MGAT5: variants seen among roughly 807,000 people sequenced by gnomAD.
MGAT5 encodes alpha-1,6-mannosylglycoprotein 6-beta-N-acetylglucosaminyltransferase A.
In MGAT5, 30 loss-of-function variants were observed where a neutral mutation model predicts 94.3. The ratio of observed to expected loss-of-function variants is 0.32; its 90% CI spans 0.24 to 0.43. MGAT5 has a LOEUF of 0.43. MGAT5 is among the 20% of genes least tolerant of loss of function. The pLI is 1.00. For synonymous variants in MGAT5, 310 were observed against 322.9 expected (o/e 0.96, Z 0.43); for missense variants, 691 against 905.5 (o/e 0.76, Z 3.04).
intron 9 of MGAT5, among the ~76,000 whole-genome samples, chr2:134,361,901 C>T (rs538193235): frequency 2.2e-4 from 34 of 152,166 alleles, no homozygotes; most frequent in Admixed American, 3.3e-4. Context: ...CAGCCCTGCC[C>T]CCTACAGATT....
At chr2:134,235,750 G>C (rs1681608618) in intron 1 of MGAT5, among the ~76,000 whole-genome samples, 2 of 150,118 alleles carry the variant, frequency 1.3e-5, no homozygotes, top group Non-Finnish European at 3.0e-5. Context: ...TGCATGGAGT[G>C]ATTATAGAAG....
chr2:134,434,946 A>G (rs1160198338), intron 14 of MGAT5, among the ~76,000 whole-genome samples: 1 of 152,188 alleles, frequency 6.6e-6, no homozygotes, highest in Non-Finnish European at 1.5e-5. Context: ...TCATTAGTAA[A>G]GTACTGAATG....
chr2:134,172,852 G>T (rs1006647683), intron 1 of MGAT5, among the ~76,000 whole-genome samples: 1 of 152,228 alleles, frequency 6.6e-6, no homozygotes, highest in African/African-American at 2.4e-5. Context: ...GGGGTCAACA[G>T]AATGAAACAT....
chr2:134,252,592 C>G (rs1286094440), upstream of MGAT5, among the ~76,000 whole-genome samples: 1 of 152,180 alleles, frequency 6.6e-6, no homozygotes, highest in Non-Finnish European at 1.5e-5. Flanking sequence ...CCTGAGAATT[C>G]ACATTTCTCA....
chr2:134,304,466 C>T lies in MGAT5; in HGVS notation c.407-13063C>T, dbSNP rs1015847818. On this transcript the variant is annotated intron_variant, in intron 2 of 15. Coordinates refer to ENST00000281923, the MANE Select transcript of MGAT5 (RefSeq NM_002410.5). ...TCTGGGAACAGACTACTTGCTGAAA[C>T]GAACAAATTCCCAGGCAGTTGAAAA... 3.9e-5 allele frequency among the ~76,000 whole-genome samples: 6 copies of T among 152,270 alleles called. No individual in the cohort carries two copies. In the South Asian group the frequency reaches 6.2e-4, roughly 16 times the overall value.
chr2:134,341,304 C>T (rs1039854393), intron 6 of MGAT5, among the ~76,000 whole-genome samples: 2 of 152,118 alleles, frequency 1.3e-5, no homozygotes, highest in African/African-American at 4.8e-5. Flanking sequence ...TCTTACCTTC[C>T]TTTAATCCCG....
At chr2:134,296,255 A>G (rs1474252950) in intron 2 of MGAT5, among the ~76,000 whole-genome samples, 1 of 152,166 alleles carries the variant, frequency 6.6e-6, no homozygotes, top group Non-Finnish European at 1.5e-5. Flanking sequence ...ACACAATTTT[A>G]AAAGTTATTA....
intron 2 of MGAT5, among the ~76,000 whole-genome samples, chr2:134,275,339 G>A (rs545150374): frequency 1.3e-5 from 2 of 152,322 alleles, no homozygotes; most frequent in Non-Finnish European, 2.9e-5. Flanking sequence ...CTTGTCAGAA[G>A]CTATTCTTTT....
chr2:134,126,423 A>G (rs1248286024), intron 1 of MGAT5, among the ~76,000 whole-genome samples: 1 of 152,242 alleles, frequency 6.6e-6, no homozygotes, highest in Non-Finnish European at 1.5e-5. Context: ...GCTTAATTCT[A>G]TACATGTGGC....
intron 10 of MGAT5, among the ~76,000 whole-genome samples, chr2:134,388,880 C>A (rs1298328938): frequency 6.6e-6 from 1 of 152,198 alleles, no homozygotes; most frequent in South Asian, 2.1e-4. Context: ...CCTGCCTCAG[C>A]CTCCTGGGTA....
intron 1 of MGAT5, among the ~76,000 whole-genome samples, chr2:134,172,669 A>C (rs1215105115): frequency 2.6e-5 from 4 of 152,194 alleles, no homozygotes; most frequent in South Asian, 2.1e-4. Flanking sequence ...TACAGGTGTG[A>C]GCCACCATGC....
chr2:134,312,563 A>G (rs2105877508), intron 2 of MGAT5, among the ~76,000 whole-genome samples: 1 of 152,274 alleles, frequency 6.6e-6, no homozygotes, highest in East Asian at 1.9e-4. Flanking sequence ...TCCTTCCGTT[A>G]TTAAACAAGA....
chr2:134,169,419 C>CAG (rs1443043936), intron 1 of MGAT5, among the ~76,000 whole-genome samples: 2 of 149,466 alleles, frequency 1.3e-5, no homozygotes, highest in Non-Finnish European at 3.0e-5. Context: ...CACAGACACA[C>CAG]ACACACACAC....
intron 12 of MGAT5, among the ~76,000 whole-genome samples, chr2:134,421,103 A>G (rs1231469807): frequency 6.6e-6 from 1 of 152,198 alleles, no homozygotes; most frequent in Non-Finnish European, 1.5e-5. Flanking sequence ...AGCTCCAAAT[A>G]TAGACTAATG....
intron 3 of MGAT5, among the ~76,000 whole-genome samples, 183 bp from the exon 4 acceptor site, chr2:134,318,467 C>T (rs1687130847): frequency 6.6e-6 from 1 of 152,158 alleles, no homozygotes; most frequent in Non-Finnish European, 1.5e-5. Flanking sequence ...TCCTGTTAAT[C>T]GTCCAAGTAG....
rs564451365 is a variant in MGAT5 at position 134,148,146 on chromosome 2, A to C, written c.-143+27855A>C. 4.6e-5 allele frequency among the ~76,000 whole-genome samples: 7 copies of C among 152,370 alleles called. No individual in the cohort carries two copies. The South Asian group carries it at 1.2e-3, about 27-fold the overall frequency. ...CTTTGGTGTTTTATTTCATGCATTT[A>C]AAAATGTTATTTTGAGGAAACATCC... On this transcript the variant is annotated intron_variant, in intron 1 of 16. Coordinates refer to the MGAT5 transcript ENST00000409645.
intron 10 of MGAT5, among the ~76,000 whole-genome samples, chr2:134,377,200 G>A (rs1681239545): frequency 6.6e-6 from 1 of 152,236 alleles, no homozygotes. Flanking sequence ...ACAGTGTGGG[G>A]TATGGGGCTG....
At chr2:134,339,162 T>G (rs1423920585) in intron 6 of MGAT5, among the ~76,000 whole-genome samples, 1 of 152,158 alleles carries the variant, frequency 6.6e-6, no homozygotes, top group Non-Finnish European at 1.5e-5. Flanking sequence ...GTTTGATAGG[T>G]CAGTTTTGCC....
At chr2:134,157,473 T>C (rs908004662) in intron 1 of MGAT5, among the ~76,000 whole-genome samples, 1 of 152,132 alleles carries the variant, frequency 6.6e-6, no homozygotes, top group Non-Finnish European at 1.5e-5. Flanking sequence ...GTTACTACTA[T>C]TGATATTTTG....
Sources: allele counts gnomAD v4.1 joint callset (sites outside exome capture counted in the v4.1 genomes callset), GRCh38; gene constraint gnomAD v4.1.1; transcripts MANE v1.5; gene names NCBI Gene and HGNC (gene_info 2026-07-23, HGNC 2026-07-21).